The following PDE11A variants were observed in gnomAD, a reference collection of about 807,000 sequenced individuals.
PDE11A encodes phosphodiesterase 11A.
A neutral mutation model predicts 100.5 loss-of-function variants in PDE11A; 100 were observed. The observed-to-expected ratio is 1.00, with a 90% confidence interval of 0.85 to 1.18. The LOEUF (loss-of-function observed/expected upper bound fraction) is 1.18, where lower values mean the gene tolerates loss of function less well. Among genes scored for constraint, PDE11A ranks in the 50% most tolerant of loss-of-function variants. The pLI, the probability that PDE11A is intolerant of heterozygous loss-of-function variation, is 0.00. For missense variants in PDE11A, 1,141 were observed against 1,152.6 expected (o/e 0.99, Z 0.15); for synonymous variants, 381 against 420.8 (o/e 0.91, Z 1.16).
chr2:178,055,305 C>T, intron 1 of PDE11A, among the ~76,000 whole-genome samples: 1 of 124,956 alleles, frequency 8.0e-6, no homozygotes, highest in Admixed American at 1.0e-4. Flanking sequence ...AATGAGAACA[C>T]TTGGACACAG....
At chr2:177,834,128 C>T (rs1007805073) in intron 6 of PDE11A, among the ~76,000 whole-genome samples, 6 of 152,216 alleles carry the variant, frequency 3.9e-5, no homozygotes, top group African/African-American at 1.4e-4. Flanking sequence ...CCACCCTCCT[C>T]ACCCTTCAAT....
intron 2 of PDE11A, among the ~76,000 whole-genome samples, chr2:178,085,538 A>AT (rs1257660834): frequency 5.7e-5 from 5 of 87,040 alleles, no homozygotes; most frequent in Non-Finnish European, 1.2e-4. Flanking sequence ...AATAGTTGAA[A>AT]TAAAAAAAAA....
chr2:177,847,382 C>T (rs958075968), intron 5 of PDE11A, among the ~76,000 whole-genome samples: 2 of 152,080 alleles, frequency 1.3e-5, no homozygotes, highest in African/African-American at 4.8e-5. Context: ...CTAAAAACTC[C>T]CACCAGAGAT....
At chr2:177,827,871 A>G (rs1574185376) in intron 6 of PDE11A, among the ~76,000 whole-genome samples, 1 of 152,340 alleles carries the variant, frequency 6.6e-6, no homozygotes, top group Admixed American at 6.5e-5. Flanking sequence ...TGTACATGCT[A>G]TTGGGGCAAT....
rs2085903190 is a variant in PDE11A, at chr2:177,983,184, A to T, written c.1071+31118T>A. Among the ~76,000 whole-genome samples, 2 of 151,742 alleles carry T rather than the reference A, an allele frequency of 1.3e-5. 1 individual carries two copies. Among genetic ancestry groups the T allele is most frequent in the Non-Finnish European group, 2.9e-5 (2 of 67,828 alleles). On this transcript the variant is annotated intron_variant, in intron 2 of 19. Transcript: ENST00000286063. ...TAGAGATTTATTTCTAAATTTAGAA[A>T]TTTATTTCTAATTTGTCCTCAATAA...
intron 2 of PDE11A, among the ~76,000 whole-genome samples, chr2:178,000,757 GGAAAGCT>G (rs1197562845): frequency 6.6e-6 from 1 of 152,126 alleles, no homozygotes; most frequent in East Asian, 1.9e-4. Flanking sequence ...AAATATTTAT[GGAAAGCT>G]GAAATGCCAC....
intron 9 of PDE11A, among the ~76,000 whole-genome samples, chr2:177,772,973 TTGATAAAG>T (rs66996524): frequency 0.31 from 46,824 of 151,780 alleles, 8,205 homozygotes; most frequent in African/African-American, 0.47. Flanking sequence ...GTTTTAAATT[TTGATAAAG>T]TGTAATTTGT....
rs566649465 is a variant in PDE11A, at chr2:177,766,899, T to C, written c.1788+2424A>G. On this transcript the variant is annotated intron_variant, in intron 10 of 19. Coordinates refer to ENST00000286063, the MANE Select transcript of PDE11A (RefSeq NM_016953.4). ...ATTATTAATCTTGATAATTTTAAGA[T>C]AAAATAACCCTTTGTTCTCAAATTT... Among the ~76,000 whole-genome samples, 3 of 152,352 alleles carry C rather than the reference T, an allele frequency of 2.0e-5. No homozygotes were observed. In the South Asian group the frequency reaches 6.2e-4, roughly 32 times the overall value.
At chr2:177,682,986 G>A (rs2080886789) in intron 15 of PDE11A, among the ~76,000 whole-genome samples, 1 of 152,046 alleles carries the variant, frequency 6.6e-6, no homozygotes, top group Non-Finnish European at 1.5e-5. Context: ...GTAGAAATCA[G>A]ACTAGGATCT....
At chr2:177,749,095 T>A (rs1475595760) in intron 10 of PDE11A, among the ~76,000 whole-genome samples, 1 of 152,248 alleles carries the variant, frequency 6.6e-6, no homozygotes, top group Non-Finnish European at 1.5e-5. Flanking sequence ...CAGTGTGTGC[T>A]ATTGCAAGGA....
chr2:177,694,722 T>G (rs2081085122), intron 15 of PDE11A, among the ~76,000 whole-genome samples: 2 of 152,186 alleles, frequency 1.3e-5, no homozygotes, highest in African/African-American at 2.4e-5. Flanking sequence ...ACAAATCAAA[T>G]AGTACTAAAA....
intron 2 of PDE11A, among the ~76,000 whole-genome samples, chr2:177,977,667 C>T (rs2085827194): frequency 8.2e-6 from 1 of 122,060 alleles, no homozygotes; most frequent in Admixed American, 8.1e-5. Context: ...CTGGAGGCAT[C>T]ACACTACCTG....
intron 10 of PDE11A, among the ~76,000 whole-genome samples, chr2:177,735,715 G>A (rs1370051151): frequency 6.6e-6 from 1 of 152,208 alleles, no homozygotes; most frequent in East Asian, 1.9e-4. Flanking sequence ...CTAAACAACT[G>A]TAAAACTTGA....
chr2:177,983,561 C>A (rs1299633514), intron 2 of PDE11A, among the ~76,000 whole-genome samples: 2 of 152,186 alleles, frequency 1.3e-5, no homozygotes, highest in African/African-American at 4.8e-5. Context: ...AAACCACACT[C>A]TAGGCCATCT....
intron 5 of PDE11A, among the ~76,000 whole-genome samples, chr2:177,851,439 T>G (rs3952630): frequency 0.98 from 148,626 of 151,954 alleles, 72,753 homozygotes; most frequent in Middle Eastern, 1. Context: ...AATGCTAAAT[T>G]ACGAGTTAAT....
chr2:177,877,075 C>G (rs532104041), intron 4 of PDE11A, among the ~76,000 whole-genome samples: 1 of 147,290 alleles, frequency 6.8e-6, no homozygotes, highest in South Asian at 2.2e-4. Flanking sequence ...TAAATGAGCC[C>G]AAAGAACAGA....
At chr2:178,068,503 T>C (rs2087079654) in intron 1 of PDE11A, among the ~76,000 whole-genome samples, 1 of 151,988 alleles carries the variant, frequency 6.6e-6, no homozygotes, top group South Asian at 2.1e-4. Context: ...ATGATTAAAT[T>C]TGGAAATTCT....
intron 1 of PDE11A, among the ~76,000 whole-genome samples, chr2:178,039,408 C>A (rs751881707): frequency 1.1e-4 from 16 of 151,948 alleles, no homozygotes; most frequent in South Asian, 8.3e-4. Context: ...GGGAGAGGAG[C>A]AGAAAAAATA....
At chr2:177,800,971 A>G (rs1202677711) in intron 9 of PDE11A, among the ~76,000 whole-genome samples, 3 of 152,208 alleles carry the variant, frequency 2.0e-5, no homozygotes, top group Non-Finnish European at 2.9e-5. Flanking sequence ...CACCCTAAAA[A>G]CCCAGAGAGA....
Sources: allele counts gnomAD v4.1 joint callset (sites outside exome capture counted in the v4.1 genomes callset), GRCh38; gene constraint gnomAD v4.1.1; transcripts MANE v1.5; gene names NCBI Gene and HGNC (gene_info 2026-07-23, HGNC 2026-07-21).